The following PDE12 variants were observed in gnomAD, a reference collection of about 807,000 sequenced individuals.
PDE12 encodes 2',5'-phosphodiesterase 12.
In PDE12, 26 loss-of-function variants were observed where a neutral mutation model predicts 45.4. That is an observed-to-expected ratio of 0.57 (90% CI 0.42 to 0.79). The LOEUF is 0.79. Ranked by LOEUF, PDE12 falls within the 30% of genes least tolerant of loss-of-function variation. PDE12 has a pLI of 0.00. For missense variants in PDE12, 668 were observed against 790.0 expected (o/e 0.85, Z 1.85); for synonymous variants, 283 against 323.9 (o/e 0.87, Z 1.36).
At chr3:57,610,039 A>G in the PDE12 span, among the ~76,000 whole-genome samples, 1 of 152,190 alleles carries the variant, frequency 6.6e-6, no homozygotes, top group African/African-American at 2.4e-5. Flanking sequence ...ATCCATCATA[A>G]TCAAGTAGGC....
the PDE12 span, among the ~76,000 whole-genome samples, chr3:57,617,950 C>T: frequency 5.3e-5 from 8 of 151,834 alleles, no homozygotes; most frequent in South Asian, 1.7e-3. Context: ...TACTATATAC[C>T]CATAAAAAAG....
the PDE12 span, among the ~76,000 whole-genome samples, chr3:57,586,430 G>A: frequency 1.3e-5 from 2 of 152,176 alleles, no homozygotes; most frequent in African/African-American, 2.4e-5. Context: ...AAACAGAAGC[G>A]AAGGCTACAG....
chr3:57,653,838 T>G, the PDE12 span, among the ~76,000 whole-genome samples: 1 of 151,688 alleles, frequency 6.6e-6, no homozygotes, highest in African/African-American at 2.4e-5. Context: ...TGGGTTTTTT[T>G]TTTTTAGTAC....
the PDE12 span, among the ~76,000 whole-genome samples, chr3:57,583,246 T>G: frequency 6.6e-6 from 1 of 152,174 alleles, no homozygotes; most frequent in South Asian, 2.1e-4. Flanking sequence ...AGGTGATTGA[T>G]ATGCATATTA....
At chr3:57,613,849 C>T in the PDE12 span, among the ~76,000 whole-genome samples, 2 of 140,620 alleles carry the variant, frequency 1.4e-5, no homozygotes. Context: ...TGCAGTGAGC[C>T]GAGGTCACAC....
At chr3:57,630,632 A>C in the PDE12 span, 1 of 1,537,404 alleles carries the variant, frequency 6.5e-7, no homozygotes, top group Middle Eastern at 1.7e-4. Context: ...ATTTTTTAAA[A>C]AGAATAAGCT....
intron 1 of PDE12, among the ~76,000 whole-genome samples, chr3:57,558,825 C>G (rs575997474): frequency 1.5e-5 from 2 of 137,396 alleles, no homozygotes; most frequent in African/African-American, 6.2e-5. Context: ...TTACACTGAA[C>G]CTAGTCATGT....
At chr3:57,605,921 CAT>C in the PDE12 span, among the ~76,000 whole-genome samples, 1 of 151,926 alleles carries the variant, frequency 6.6e-6, no homozygotes, top group Admixed American at 6.6e-5. Context: ...AACTTAAACT[CAT>C]AGAAATAGGA....
At chr3:57,609,036 T>G in the PDE12 span, among the ~76,000 whole-genome samples, 7 of 152,294 alleles carry the variant, frequency 4.6e-5, no homozygotes, top group South Asian at 1.5e-3. Flanking sequence ...ACAAACTGTC[T>G]GTCAGACAAC....
chr3:57,607,288 G>A, the PDE12 span, among the ~76,000 whole-genome samples: 14 of 152,032 alleles, frequency 9.2e-5, no homozygotes, highest in East Asian at 1.2e-3. Flanking sequence ...CACAAAGATG[G>A]GGAAAAACAC....
chr3:57,556,342 C>A lies in PDE12; in HGVS notation c.-38C>A, dbSNP rs938429310. 1.3e-5 allele frequency: 19 copies of A among 1,514,724 alleles called. No homozygotes were observed. The highest frequency in any genetic ancestry group is 1.5e-5 in the Non-Finnish European group (17 of 1,129,616). 93.8% of individuals were successfully genotyped at this position (1,514,724 alleles called of 1,614,324 possible). A position where few individuals can be genotyped will look rare whatever the true frequency, so the allele number is the denominator to read the frequency against. On this transcript the variant is annotated 5_prime_UTR_variant, in exon 1 of 3. Transcript: ENST00000311180. This position sits in a 1 kb window ranked among gnomAD's most constrained non-coding sequence, Gnocchi z 5.0. The stretch of plus-strand genomic sequence containing the variant: ...CTCCACCTGACAGTAGGCCGCTGAT[C>A]GGCCGCGGGTCTTGTCGACCGCTAG...
the PDE12 span, among the ~76,000 whole-genome samples, chr3:57,607,355 C>T: frequency 6.6e-6 from 1 of 152,164 alleles, no homozygotes; most frequent in East Asian, 1.9e-4. Flanking sequence ...CGAAGGAACG[C>T]AGCTCCTCAC....
At chr3:57,559,260 G>A (rs2069700316) in intron 1 of PDE12, 50 bp from the exon 2 acceptor site, 1 of 1,399,594 alleles carries the variant, frequency 7.1e-7, no homozygotes, top group African/African-American at 1.4e-5. Flanking sequence ...AAAACATTCA[G>A]GAGATTTGCA....
At chr3:57,570,836 C>T (rs563580334), downstream of PDE12, among the ~76,000 whole-genome samples, 1 of 152,260 alleles carries the variant, frequency 6.6e-6, no homozygotes, top group South Asian at 2.1e-4. Context: ...ATTGGCCATA[C>T]AAGTAGCACC....
At chr3:57,607,887 C>T in the PDE12 span, among the ~76,000 whole-genome samples, 19 of 152,094 alleles carry the variant, frequency 1.2e-4, no homozygotes, top group East Asian at 9.7e-4. Flanking sequence ...ATACACAGAA[C>T]GCCACAAAGA....
rs768229610 is a variant in PDE12, at chr3:57,557,658, A to G, written c.1279A>G (p.Lys427Glu). ...KLVLYPSAQE[K>E]VLQRSSVLQV... Reference sequence around the variant, plus strand: ...AGTTTTGTACCCATCAGCGCAGGAGAAGGTGCTCCAGAGATCTTCTGTTCT... The same window carrying G: ...AGTTTTGTACCCATCAGCGCAGGAGGAGGTGCTCCAGAGATCTTCTGTTCT... The change falls in exon 1 of 3, where the codon AAG (lysine) becomes GAG (glutamate). Residue 427 changes from lysine (K) to glutamate (E), a missense_variant. This residue lies in a region of PDE12 where 580 missense variants were observed against 662.9 expected (regional missense o/e 0.87). Transcript: ENST00000311180. 1 of 1,613,988 alleles carries G rather than the reference A, an allele frequency of 6.2e-7. No homozygotes were observed. The highest frequency in any genetic ancestry group is 8.5e-7 in the Non-Finnish European group (1 of 1,179,970).
At chr3:57,567,061 G>C (rs573533302), downstream of PDE12, among the ~76,000 whole-genome samples, 109 of 152,256 alleles carry the variant, frequency 7.2e-4, no homozygotes, top group African/African-American at 2.3e-3. Context: ...TGTAATCCTA[G>C]CACTTTGGGA....
At chr3:57,610,831 A>G in the PDE12 span, among the ~76,000 whole-genome samples, 2 of 152,142 alleles carry the variant, frequency 1.3e-5, no homozygotes, top group African/African-American at 2.4e-5. Context: ...TATAGATTCA[A>G]TGCCATCCCC....
chr3:57,598,642 G>A, the PDE12 span, among the ~76,000 whole-genome samples: 26 of 152,128 alleles, frequency 1.7e-4, no homozygotes, highest in African/African-American at 6.0e-4. Context: ...TTAACCGGGC[G>A]TGGTGGCGGG....
Sources: allele counts gnomAD v4.1 joint callset (sites outside exome capture counted in the v4.1 genomes callset), GRCh38; gene constraint gnomAD v4.1.1; regional missense constraint gnomAD v4.1.1; non-coding constraint Gnocchi (gnomAD v3.1); transcripts MANE v1.5; gene names NCBI Gene and HGNC (gene_info 2026-07-23, HGNC 2026-07-21).